Variants in PAPPA observed in about 807,000 individuals in gnomAD.
PAPPA encodes the protein pappalysin-1.
In PAPPA, 60 loss-of-function variants were observed where a neutral mutation model predicts 164.0. That is an observed-to-expected ratio of 0.37 (90% CI 0.30 to 0.45). The LOEUF (loss-of-function observed/expected upper bound fraction) is 0.45. Among genes scored for constraint, PAPPA ranks in the 20% least tolerant of loss-of-function variants. The pLI is 1.00. For synonymous variants in PAPPA, 875 were observed against 814.1 expected, an observed-to-expected ratio of 1.07 and a Z score of -1.27; for missense variants, 1,782 against 2,087.3, an observed-to-expected ratio of 0.85 and a Z score of 2.85.
chr9:116,349,653 C>T (rs1846256162), intron 15 of PAPPA, among the ~76,000 whole-genome samples: 1 of 152,162 alleles, frequency 6.6e-6, no homozygotes, highest in African/African-American at 2.4e-5. Context: ...TACAAGTTGA[C>T]AATTGTTTTA....
In PAPPA at chr9:116,187,944, C is replaced by T; in HGVS notation, c.1206C>T (p.Asn402=). The T allele has an allele frequency of 1.2e-6, 2 of 1,614,160 alleles. No individual in the cohort carries two copies. Among genetic ancestry groups the T allele is most frequent in the Non-Finnish European group, 1.7e-6 (2 of 1,180,046 alleles). The stretch of plus-strand genomic sequence containing the variant: ...AGCTGGACGTGCTGGAGGTGAGCAA[C>T]TCCTCCCTTCGCCGCCGCCTCATCC... The part of the protein sequence containing the change: ...SWELDVLEVS[N]SSLRRRLILA... Residue 402 remains asparagine (N), a synonymous_variant, in exon 2 of 22, where the codon AAC becomes AAT. Coordinates refer to ENST00000328252, the MANE Select transcript of PAPPA (RefSeq NM_002581.5). The surrounding 1 kb of genome is among the most constrained non-coding windows in gnomAD (Gnocchi z 4.2).
At chr9:116,353,537 G>T in intron 16 of PAPPA, 85 bp from the exon 17 acceptor site, 1 of 1,217,020 alleles carries the variant, frequency 8.2e-7, no homozygotes. Context: ...ATAGGAAATG[G>T]GGGCCCAGCT....
chr9:116,280,986 CA>C (rs1303072981), intron 9 of PAPPA, among the ~76,000 whole-genome samples: 6 of 152,154 alleles, frequency 3.9e-5, no homozygotes, highest in African/African-American at 1.4e-4. Flanking sequence ...CAGATTCAAC[CA>C]ATCTCAGATA....
intron 2 of PAPPA, among the ~76,000 whole-genome samples, chr9:116,201,798 A>G (rs558238809): frequency 1.3e-5 from 2 of 152,108 alleles, no homozygotes; most frequent in Non-Finnish European, 2.9e-5. Flanking sequence ...TCTTAAAATC[A>G]CCCTCTGTTG....
chr9:116,394,420 A>G (rs1846935225), intron 21 of PAPPA, among the ~76,000 whole-genome samples: 1 of 152,088 alleles, frequency 6.6e-6, no homozygotes, highest in African/African-American at 2.4e-5. Context: ...CAGTGGAGGG[A>G]TTTTCCCAAA....
At position 116,154,619 on chromosome 9, in the gene PAPPA, C is replaced by T; in HGVS notation, c.415+32C>T. 1 of 1,296,636 alleles carries T rather than the reference C, an allele frequency of 7.7e-7. No homozygotes were observed. The highest frequency in any genetic ancestry group is 9.8e-7 in the Non-Finnish European group (1 of 1,021,958). 80.3% of individuals were successfully genotyped at this position (1,296,636 alleles called of 1,614,324 possible). On this transcript the variant is annotated intron_variant, in intron 1 of 21. Coordinates refer to ENST00000328252, the MANE Select transcript of PAPPA (RefSeq NM_002581.5). The surrounding 1 kb of genome is among the most constrained non-coding windows in gnomAD (Gnocchi z 5.2). ...GAGGGCGCCTCGGCGGGCGCTGCAC[C>T]GTCCCTGCGGCCCCAGAGGCTCGCG...
chr9:116,230,928 C>T (rs1844583480), intron 6 of PAPPA, among the ~76,000 whole-genome samples: 1 of 152,108 alleles, frequency 6.6e-6, no homozygotes, highest in African/African-American at 2.4e-5. Flanking sequence ...GAGAGATTAG[C>T]ACATGGCACT....
chr9:116,320,060 A>G (rs1845835012), intron 10 of PAPPA, among the ~76,000 whole-genome samples: 1 of 152,204 alleles, frequency 6.6e-6, no homozygotes, highest in Non-Finnish European at 1.5e-5. Context: ...CTAAGAATCA[A>G]TTCTATGATT....
At chr9:116,251,832 G>A (rs1844863390) in intron 7 of PAPPA, among the ~76,000 whole-genome samples, 1 of 152,206 alleles carries the variant, frequency 6.6e-6, no homozygotes, top group South Asian at 2.1e-4. Context: ...CTATCCAGGT[G>A]TGGAGTTTCC....
intron 2 of PAPPA, among the ~76,000 whole-genome samples, chr9:116,199,109 G>A (rs533961350): frequency 6.6e-6 from 1 of 152,222 alleles, no homozygotes; most frequent in South Asian, 2.1e-4. Flanking sequence ...CCTTGCCACT[G>A]GCACACTCTG....
rs1034642685 is a variant in PAPPA at position 116,153,930 on chromosome 9, A to G, written c.-243A>G. 5 of 271,936 alleles carry G rather than the reference A, an allele frequency of 1.8e-5. No individual in the cohort carries two copies. The highest frequency in any genetic ancestry group is 2.5e-5 in the Non-Finnish European group (4 of 162,138). The allele number at this position is 271,936 out of a possible 1,614,324, so 16.8% of individuals were successfully genotyped here. The stretch of plus-strand genomic sequence containing the variant: ...TGTTAGGGGAAAAATAAGGCAGATA[A>G]AGGAGCGGGGAGAGAAATTAATTGC... On this transcript the variant is annotated 5_prime_UTR_variant, in exon 1 of 22. Transcript: ENST00000328252.
At chr9:116,212,349 A>G (rs552837906) in intron 4 of PAPPA, among the ~76,000 whole-genome samples, 56 of 152,274 alleles carry the variant, frequency 3.7e-4, no homozygotes, top group Non-Finnish European at 7.5e-4. Context: ...ATATCTTATC[A>G]TAGTACTTTT....
rs185838071 is a variant in PAPPA at position 116,331,770 on chromosome 9, T to G, written c.3261+413T>G. On this transcript the variant is annotated intron_variant, in intron 11 of 21. Transcript: ENST00000328252. Reference sequence around the variant, plus strand: ...ACTGTCTATGGTCTTTCTTTCTGGCTAAGGATTGTGGATATTACTGCATTT... The same window carrying G: ...ACTGTCTATGGTCTTTCTTTCTGGCGAAGGATTGTGGATATTACTGCATTT... 2.8e-4 allele frequency among the ~76,000 whole-genome samples: 42 copies of G among 152,350 alleles called. No individual in the cohort carries two copies. In the East Asian group the frequency reaches 7.5e-3, roughly 27 times the overall value.
chr9:116,244,996 C>T (rs1587969576), intron 7 of PAPPA, among the ~76,000 whole-genome samples: 1 of 152,144 alleles, frequency 6.6e-6, no homozygotes, highest in South Asian at 2.1e-4. Context: ...GGAGTGGAAT[C>T]TTGTCGTTTG....
intron 13 of PAPPA, among the ~76,000 whole-genome samples, chr9:116,343,444 T>C (rs1342432434): frequency 2.6e-5 from 4 of 152,198 alleles, no homozygotes; most frequent in Non-Finnish European, 2.9e-5. Flanking sequence ...AAGAGAAAGC[T>C]TCCTATGGAA....
chr9:116,281,164 G>A (rs922821402), intron 9 of PAPPA, among the ~76,000 whole-genome samples: 9 of 152,152 alleles, frequency 5.9e-5, no homozygotes, highest in African/African-American at 2.2e-4. Flanking sequence ...CAAATACTAA[G>A]GGACTTTATA....
intron 15 of PAPPA, among the ~76,000 whole-genome samples, chr9:116,349,461 TC>T: frequency 6.6e-6 from 1 of 152,286 alleles, no homozygotes; most frequent in South Asian, 2.1e-4. Flanking sequence ...TGCCTTAGGA[TC>T]TAGAAAGTGC....
intron 1 of PAPPA, among the ~76,000 whole-genome samples, chr9:116,183,620 T>G (rs1843933403): frequency 6.6e-6 from 1 of 152,164 alleles, no homozygotes; most frequent in Non-Finnish European, 1.5e-5. Flanking sequence ...CCCCCAACCT[T>G]ATTGAAGCTC....
intron 17 of PAPPA, among the ~76,000 whole-genome samples, chr9:116,355,601 C>T (rs912250070): frequency 2.6e-5 from 4 of 152,222 alleles, no homozygotes; most frequent in Non-Finnish European, 4.4e-5. Flanking sequence ...TTCCCCCTCA[C>T]TCCCTTACAT....
Sources: gnomAD v4.1 joint callset for allele counts (sites outside exome capture counted in the v4.1 genomes callset) on GRCh38, gnomAD v4.1.1 for gene constraint, Gnocchi (gnomAD v3.1) non-coding constraint, MANE v1.5 for transcripts, NCBI Gene and HGNC (gene_info 2026-07-23, HGNC 2026-07-21) for gene names.